DLG1: variants seen among roughly 807,000 people sequenced by gnomAD.
DLG1 encodes discs large MAGUK scaffold protein 1.
DLG1 carries 42 observed loss-of-function variants against 123.4 expected under a neutral mutation model. That is an observed-to-expected ratio of 0.34 (90% CI 0.27 to 0.44). The LOEUF is 0.44. DLG1 is among the 20% of genes least tolerant of loss of function. DLG1 has a pLI of 1.00. For synonymous variants in DLG1, 317 were observed against 356.2 expected, an observed-to-expected ratio of 0.89 and a Z score of 1.24; for missense variants, 942 against 1,082.6, an observed-to-expected ratio of 0.87 and a Z score of 1.82.
intron 4 of DLG1, among the ~76,000 whole-genome samples, chr3:197,222,135 T>C (rs1313740957): frequency 2.0e-5 from 3 of 152,202 alleles, no homozygotes; most frequent in Admixed American, 1.3e-4. Flanking sequence ...AATCCACAGA[T>C]GCAGAACCAT....
chr3:197,291,667 G>GT (rs1235165544), intron 3 of DLG1, among the ~76,000 whole-genome samples: 1 of 152,208 alleles, frequency 6.6e-6, no homozygotes, highest in Non-Finnish European at 1.5e-5. Context: ...ACGGTGAGAA[G>GT]TATCTATGGA....
At chr3:197,085,393 A>G in intron 16 of DLG1, 187 bp downstream of exon 16, 1 of 589,040 alleles carries the variant, frequency 1.7e-6, no homozygotes, top group East Asian at 3.0e-5. Context: ...TCTTCTCTGT[A>G]TGACTTCGAC....
At chr3:197,119,891 C>A (rs2149437251) in intron 11 of DLG1, among the ~76,000 whole-genome samples, 1 of 147,592 alleles carries the variant, frequency 6.8e-6, no homozygotes, top group Middle Eastern at 3.5e-3. Context: ...GATCTGTCAA[C>A]CTAATTTACA....
At chr3:197,198,217 C>A (rs185986860) in intron 4 of DLG1, among the ~76,000 whole-genome samples, 1 of 152,120 alleles carries the variant, frequency 6.6e-6, no homozygotes, top group East Asian at 1.9e-4. Context: ...GGGCCAGGTG[C>A]GGTGGCTCAC....
At chr3:197,281,961 A>G (rs1368310395) in intron 4 of DLG1, among the ~76,000 whole-genome samples, 1 of 152,208 alleles carries the variant, frequency 6.6e-6, no homozygotes, top group Non-Finnish European at 1.5e-5. Context: ...AAACAGAAAC[A>G]TCGCATTTTC....
chr3:197,050,912 G>A (rs1477998991), intron 24 of DLG1, among the ~76,000 whole-genome samples: 1 of 152,120 alleles, frequency 6.6e-6, no homozygotes, highest in Non-Finnish European at 1.5e-5. Context: ...TACGAATTTT[G>A]TCAATTATAC....
intron 5 of DLG1, among the ~76,000 whole-genome samples, chr3:197,160,154 A>G (rs1798218671): frequency 6.6e-6 from 1 of 152,166 alleles, no homozygotes; most frequent in Admixed American, 6.5e-5. Context: ...GTATTTTTAT[A>G]AGACTATGCA....
chr3:197,269,157 T>G (rs1420505180), intron 4 of DLG1, among the ~76,000 whole-genome samples: 1 of 151,862 alleles, frequency 6.6e-6, no homozygotes, highest in Non-Finnish European at 1.5e-5. Context: ...GTAACATAAT[T>G]GTTAATATTT....
chr3:197,129,572 T>C (rs550983594), intron 11 of DLG1, among the ~76,000 whole-genome samples: 1 of 152,192 alleles, frequency 6.6e-6, no homozygotes, highest in African/African-American at 2.4e-5. Context: ...CTTCAAGAAC[T>C]TTTCCTTGGC....
At chr3:197,165,278 T>C (rs187808463) in intron 5 of DLG1, among the ~76,000 whole-genome samples, 1 of 152,356 alleles carries the variant, frequency 6.6e-6, no homozygotes, top group African/African-American at 2.4e-5. Context: ...TGTCATTCTC[T>C]AGAAAACAAA....
At position 197,231,706 on chromosome 3, in the gene DLG1, A is replaced by AAAC. The variant is rs72598597; in HGVS notation, c.319-37118_319-37117insGTT. 4.2e-4 allele frequency among the ~76,000 whole-genome samples: 64 copies of AAAC among 151,010 alleles called. No individual in the cohort carries two copies. The East Asian group carries it at 5.3e-3, about 12-fold the overall frequency. On this transcript the variant is annotated intron_variant, in intron 4 of 24. Coordinates refer to ENST00000667157, the MANE Select transcript of DLG1 (RefSeq NM_001366207.1). ...GAGAACCAGACCCTGTTAAAAAAAA[A>AAAC]AAAACAACAAAAAACAAAACAACAA...
intron 22 of DLG1, 90 bp from the exon 23 acceptor site, chr3:197,060,088 A>C: frequency 2.4e-6 from 2 of 850,548 alleles, no homozygotes; most frequent in African/African-American, 3.4e-5. Context: ...CACAGTCTAA[A>C]TCATGATCTG....
intron 5 of DLG1, among the ~76,000 whole-genome samples, chr3:197,162,036 TA>T (rs1380434773): frequency 6.6e-6 from 1 of 152,224 alleles, no homozygotes; most frequent in African/African-American, 2.4e-5. Context: ...CTCTGGGAGA[TA>T]AGACACTTGC....
At chr3:197,142,536 A>T (rs1249379887) in intron 7 of DLG1, among the ~76,000 whole-genome samples, 182 bp downstream of exon 7, 4 of 152,168 alleles carry the variant, frequency 2.6e-5, no homozygotes, top group Non-Finnish European at 5.9e-5. Flanking sequence ...AAAGTTTATT[A>T]AAAAAATAAG....
At chr3:197,118,079 T>C (rs1774295011) in intron 12 of DLG1, among the ~76,000 whole-genome samples, 1 of 152,108 alleles carries the variant, frequency 6.6e-6, no homozygotes, top group African/African-American at 2.4e-5. Context: ...TATTACAAAG[T>C]AGTGTGATTA....
chr3:197,052,137 A>G (rs893275100), intron 23 of DLG1, among the ~76,000 whole-genome samples: 5 of 151,824 alleles, frequency 3.3e-5, no homozygotes, highest in African/African-American at 1.2e-4. Flanking sequence ...CACCGAGCCC[A>G]GCCTGTTTCT....
chr3:197,204,886 C>A (rs1727707962), intron 4 of DLG1, among the ~76,000 whole-genome samples: 1 of 152,096 alleles, frequency 6.6e-6, no homozygotes, highest in African/African-American at 2.4e-5. Context: ...ACTATTCATT[C>A]ACTTGCTTGG....
At chr3:197,107,864 T>C (rs1157371500) in intron 13 of DLG1, among the ~76,000 whole-genome samples, 1 of 151,802 alleles carries the variant, frequency 6.6e-6, no homozygotes, top group Non-Finnish European at 1.5e-5. Context: ...TGAATAGAAG[T>C]AGGAAGAGCA....
At chr3:197,250,809 CA>C (rs1461861868) in intron 4 of DLG1, among the ~76,000 whole-genome samples, 1 of 151,296 alleles carries the variant, frequency 6.6e-6, no homozygotes, top group East Asian at 2.0e-4. Flanking sequence ...GCCTGGACAA[CA>C]TAGTGAAACC....
Sources: allele counts gnomAD v4.1 joint callset (sites outside exome capture counted in the v4.1 genomes callset), GRCh38; gene constraint gnomAD v4.1.1; transcripts MANE v1.5; gene names NCBI Gene and HGNC (gene_info 2026-07-23, HGNC 2026-07-21).